KIAA1217: variants seen among roughly 807,000 people sequenced by gnomAD.
The protein encoded by KIAA1217 is sickle tail protein homolog.
KIAA1217 carries 88 observed loss-of-function variants against 163.9 expected under a neutral mutation model. The ratio of observed to expected loss-of-function variants is 0.54; its 90% CI spans 0.45 to 0.64. The LOEUF (loss-of-function observed/expected upper bound fraction) is 0.64, where lower values mean the gene tolerates loss of function less well. Ranked by LOEUF, KIAA1217 falls within the 30% of genes least tolerant of loss-of-function variation. KIAA1217 has a pLI of 0.00. For missense variants in KIAA1217, 2,372 were observed against 2,475.0 expected, an observed-to-expected ratio of 0.96 and a Z score of 0.88; for synonymous variants, 903 against 923.1, an observed-to-expected ratio of 0.98 and a Z score of 0.39.
chr10:24,325,324 G>A (rs573066442), intron 2 of KIAA1217, among the ~76,000 whole-genome samples: 107 of 152,322 alleles, frequency 7.0e-4, no homozygotes, highest in Non-Finnish European at 1.2e-3. Flanking sequence ...TCAATGCTCT[G>A]CAGGCGTCAG....
chr10:24,211,890 GA>G (rs910750384), intron 1 of KIAA1217, among the ~76,000 whole-genome samples: 3 of 151,052 alleles, frequency 2.0e-5, no homozygotes, highest in East Asian at 3.9e-4. Context: ...CCCATCTCTA[GA>G]AAAAAAAATT....
intron 2 of KIAA1217, among the ~76,000 whole-genome samples, chr10:24,091,634 C>A (rs1268130883): frequency 1.3e-5 from 2 of 151,810 alleles, no homozygotes; most frequent in African/African-American, 4.9e-5. Context: ...ATACTGGGAT[C>A]CAATTGTGAA....
At chr10:24,015,853 C>A (rs2131501107) in intron 2 of KIAA1217, among the ~76,000 whole-genome samples, 1 of 151,714 alleles carries the variant, frequency 6.6e-6, no homozygotes, top group Non-Finnish European at 1.5e-5. Context: ...GTCCTAAGGC[C>A]ACAAAGTAAC....
At chr10:24,096,947 A>G (rs2062187009) in intron 2 of KIAA1217, among the ~76,000 whole-genome samples, 3 of 152,216 alleles carry the variant, frequency 2.0e-5, no homozygotes, top group Non-Finnish European at 2.9e-5. Context: ...TGCTCCATAA[A>G]TATCTATTGG....
At chr10:23,847,712 C>T (rs11013752) in intron 1 of KIAA1217, among the ~76,000 whole-genome samples, 26,085 of 152,018 alleles carry the variant, frequency 0.17, 2,389 homozygotes, top group Middle Eastern at 0.21. Flanking sequence ...ATGTCTCTAT[C>T]TCCTTCAGTT....
chr10:24,533,199 G>A lies in KIAA1217; in HGVS notation c.3376G>A (p.Glu1126Lys). ...CTCCTCCTCAAAGGATGAGGAGGAA[G>A]AAGAAGAAGAAGGAGACAAAATAAT... ...TTSSSKDEEE[E>K]EEEGDKIMAE... The change falls in exon 16 of 21, where the codon GAA (glutamate) becomes AAA (lysine). Residue 1126 changes from glutamate (E) to lysine (K), a missense_variant. Physicochemically the swap from Glu to Lys is moderately conservative, Grantham distance 56. Coordinates refer to ENST00000376454, the MANE Select transcript of KIAA1217 (RefSeq NM_019590.5). The A allele has an allele frequency of 6.2e-7, 1 of 1,611,984 alleles. No individual in the cohort carries two copies. The highest frequency in any genetic ancestry group is 2.2e-5 in the East Asian group (1 of 44,852).
chr10:24,402,414 C>T (rs1210073949), intron 3 of KIAA1217, among the ~76,000 whole-genome samples: 2 of 151,226 alleles, frequency 1.3e-5, no homozygotes, highest in African/African-American at 4.9e-5. Flanking sequence ...GAGGCTGAGG[C>T]AGTAGAATGG....
At chr10:24,029,244 G>C (rs1288413139) in intron 2 of KIAA1217, among the ~76,000 whole-genome samples, 1 of 152,072 alleles carries the variant, frequency 6.6e-6, no homozygotes, top group Non-Finnish European at 1.5e-5. Flanking sequence ...AATTAAAACT[G>C]TCTGAAAGGA....
chr10:24,199,179 C>T (rs950979109), intron 2 of KIAA1217, among the ~76,000 whole-genome samples: 1 of 152,178 alleles, frequency 6.6e-6, no homozygotes, highest in Non-Finnish European at 1.5e-5. Flanking sequence ...CTGCAGTGAG[C>T]TGTGATTGCA....
chr10:23,843,563 C>A (rs1016859872), intron 1 of KIAA1217, among the ~76,000 whole-genome samples: 3 of 152,102 alleles, frequency 2.0e-5, no homozygotes, highest in South Asian at 2.1e-4. Context: ...TTCCATTGGT[C>A]CCTCCAGATC....
upstream of KIAA1217, among the ~76,000 whole-genome samples, chr10:24,204,570 G>C (rs1434114146): frequency 6.6e-6 from 1 of 152,200 alleles, no homozygotes; most frequent in African/African-American, 2.4e-5. Flanking sequence ...GGAAACCTAA[G>C]GCGCCCAGAG....
chr10:24,466,095 G>A (rs1162941761), intron 5 of KIAA1217, among the ~76,000 whole-genome samples: 1 of 152,176 alleles, frequency 6.6e-6, no homozygotes, highest in Non-Finnish European at 1.5e-5. Flanking sequence ...GTTAAACCAG[G>A]AGAAGAGGCT....
chr10:23,702,600 G>T (rs1388786064), intron 1 of KIAA1217, among the ~76,000 whole-genome samples: 1 of 149,838 alleles, frequency 6.7e-6, no homozygotes, highest in Non-Finnish European at 1.5e-5. Context: ...GAAGATTCAG[G>T]TTGGGCATTT....
rs149513089 is a variant in KIAA1217 at position 23,978,489 on chromosome 10, C to T, written c.-320-28736C>T. Among the ~76,000 whole-genome samples, 8 of 152,216 alleles carry T rather than the reference C, an allele frequency of 5.3e-5. No individual in the cohort carries two copies. In the East Asian group the frequency reaches 1.2e-3, roughly 22 times the overall value. On this transcript the variant is annotated intron_variant, in intron 1 of 18. Transcript: ENST00000376462. ...AAATTAGAGTGGAATTCCTCAAGTG[C>T]AGTGAATCTTTTATGTTGAATTCAT... is the stretch of plus-strand genomic sequence containing the variant.
intron 2 of KIAA1217, among the ~76,000 whole-genome samples, chr10:24,290,030 G>C (rs1282850055): frequency 6.6e-6 from 1 of 152,162 alleles, no homozygotes; most frequent in Non-Finnish European, 1.5e-5. Context: ...ACAGTTCCGA[G>C]TGATACTAAG....
At chr10:24,181,438 C>T (rs538051637) in intron 2 of KIAA1217, among the ~76,000 whole-genome samples, 2 of 152,096 alleles carry the variant, frequency 1.3e-5, no homozygotes, top group African/African-American at 2.4e-5. Context: ...ATCAACCTAA[C>T]TTGAGTCTCC....
intron 5 of KIAA1217, among the ~76,000 whole-genome samples, chr10:24,450,788 A>G (rs1345469694): frequency 2.6e-5 from 4 of 152,216 alleles, no homozygotes; most frequent in African/African-American, 9.6e-5. Flanking sequence ...AAGATCACAC[A>G]CTTGTAAGTA....
At chr10:24,233,809 C>T (rs1221324220) in intron 2 of KIAA1217, among the ~76,000 whole-genome samples, 9 of 152,184 alleles carry the variant, frequency 5.9e-5, no homozygotes, top group African/African-American at 2.2e-4. Context: ...TTATTCATTT[C>T]TTCTCAGTCT....
chr10:23,990,983 T>C (rs913961536), intron 1 of KIAA1217, among the ~76,000 whole-genome samples: 2 of 152,198 alleles, frequency 1.3e-5, no homozygotes, highest in African/African-American at 2.4e-5. Context: ...AAAGTGACAA[T>C]AGAACTTGGA....
Sources: allele counts gnomAD v4.1 joint callset (sites outside exome capture counted in the v4.1 genomes callset), GRCh38; gene constraint gnomAD v4.1.1; transcripts MANE v1.5; gene names NCBI Gene and HGNC (gene_info 2026-07-23, HGNC 2026-07-21).